Variants in ATF2 observed in about 807,000 individuals in gnomAD.
The protein encoded by ATF2 is activating transcription factor 2.
In ATF2, 24 loss-of-function variants were observed where a neutral mutation model predicts 60.6. The ratio of observed to expected loss-of-function variants is 0.40; its 90% CI spans 0.29 to 0.56. The LOEUF (loss-of-function observed/expected upper bound fraction) is 0.56, where lower values mean the gene tolerates loss of function less well. ATF2 is among the 20% of genes least tolerant of loss of function. The pLI, the probability that ATF2 is intolerant of heterozygous loss-of-function variation, is 0.54. For missense variants in ATF2, 433 were observed against 607.7 expected (o/e 0.71, Z 3.02); for synonymous variants, 206 against 215.4 (o/e 0.96, Z 0.38).
At chr2:175,138,445 T>C (rs1698281227) in intron 2 of ATF2, among the ~76,000 whole-genome samples, 2 of 152,172 alleles carry the variant, frequency 1.3e-5, no homozygotes, top group African/African-American at 4.8e-5. Flanking sequence ...ATACCATAAA[T>C]ACAAATCTGA....
chr2:175,139,791 A>C (rs1698382239), intron 2 of ATF2, among the ~76,000 whole-genome samples: 2 of 152,212 alleles, frequency 1.3e-5, no homozygotes, highest in African/African-American at 4.8e-5. Context: ...GGGTAACCTA[A>C]AGTTCAAATA....
chr2:175,098,459 A>C (rs1419109125), intron 10 of ATF2, among the ~76,000 whole-genome samples: 1 of 152,158 alleles, frequency 6.6e-6, no homozygotes, highest in African/African-American at 2.4e-5. Flanking sequence ...AGTCAGAGTT[A>C]TGTATATTAC....
intron 7 of ATF2, among the ~76,000 whole-genome samples, chr2:175,115,914 C>A (rs543213800): frequency 6.6e-6 from 1 of 152,104 alleles, no homozygotes; most frequent in East Asian, 1.9e-4. Context: ...AAACAGCATT[C>A]GAACTGATGA....
intron 5 of ATF2, among the ~76,000 whole-genome samples, chr2:175,118,825 C>T (rs1696759596): frequency 6.6e-6 from 1 of 150,784 alleles, no homozygotes; most frequent in African/African-American, 2.4e-5. Flanking sequence ...TGAAAGCAAA[C>T]TAAGATAAAA....
rs1694674566 is a variant in ATF2 at position 175,093,166 on chromosome 2, C to T, written c.1080G>A (p.Glu360=). The change falls in exon 12 of 14, where the codon GAG becomes GAA. Residue 360 remains glutamate, a synonymous_variant. Transcript: ENST00000264110. ...DPDEKRRKFL[E]RNRAAASRCR... ...ATCTTGAAGCTGCTGCTCTATTTCG[C>T]TCTAAAAACTTTCTCCTTTTTTCAT... 6.2e-7 allele frequency: 1 copy of T among 1,614,162 alleles called. No homozygotes were observed. Among genetic ancestry groups the T allele is most frequent in the Non-Finnish European group, 8.5e-7 (1 of 1,180,032 alleles).
chr2:175,120,715 C>T (rs2105714375), intron 5 of ATF2, among the ~76,000 whole-genome samples: 1 of 151,460 alleles, frequency 6.6e-6, no homozygotes, highest in African/African-American at 2.4e-5. Flanking sequence ...TTTGTTTTAT[C>T]ATAATACTTA....
Position 175,152,161 on chromosome 2 carries a change from T to A in ATF2, c.-142-1003A>T, listed in dbSNP as rs554945569. 4.6e-5 allele frequency among the ~76,000 whole-genome samples: 7 copies of A among 152,314 alleles called. No homozygotes were observed. The South Asian group carries it at 1.5e-3, about 32-fold the overall frequency. ...CTCATACTTATTTCATTCTAAAATG[T>A]AAGATGTCCAGATACCTCATGGAGA... is the stretch of plus-strand genomic sequence containing the variant. On this transcript the variant is annotated intron_variant, in intron 1 of 13. Transcript: ENST00000264110.
intron 1 of ATF2, among the ~76,000 whole-genome samples, chr2:175,166,693 T>C (rs950258826): frequency 1.3e-5 from 2 of 152,222 alleles, no homozygotes; most frequent in Admixed American, 6.5e-5. Context: ...CAAAGCTATA[T>C]GGCTATTTAA....
At chr2:175,139,274 A>T (rs948210848) in intron 2 of ATF2, among the ~76,000 whole-genome samples, 9 of 152,222 alleles carry the variant, frequency 5.9e-5, no homozygotes, top group African/African-American at 1.7e-4. Flanking sequence ...TTAAAAAATT[A>T]AAAAAACTGT....
chr2:175,103,418 T>C (rs1695434649), intron 10 of ATF2, among the ~76,000 whole-genome samples: 1 of 152,076 alleles, frequency 6.6e-6, no homozygotes, highest in African/African-American at 2.4e-5. Flanking sequence ...CCAGAGAACA[T>C]ATGAAAATCA....
At chr2:175,139,254 T>C (rs1698338937) in intron 2 of ATF2, among the ~76,000 whole-genome samples, 1 of 152,306 alleles carries the variant, frequency 6.6e-6, no homozygotes, top group Admixed American at 6.5e-5. Flanking sequence ...TTATATCAGT[T>C]GGATACATTT....
chr2:175,150,943 A>G (rs1699273376), intron 2 of ATF2, 117 bp downstream of exon 2: 1 of 152,520 alleles, frequency 6.6e-6, no homozygotes, highest in African/African-American at 2.4e-5. Context: ...TCAATACGGT[A>G]GGACTTCAGC....
At chr2:175,083,227 C>A (rs1404894490) in intron 12 of ATF2, among the ~76,000 whole-genome samples, 3 of 151,634 alleles carry the variant, frequency 2.0e-5, no homozygotes, top group African/African-American at 7.3e-5. Context: ...GGAGGCATCA[C>A]GCTACCTGAC....
At chr2:175,133,157 C>G (rs1697867491) in intron 3 of ATF2, among the ~76,000 whole-genome samples, 1 of 151,634 alleles carries the variant, frequency 6.6e-6, no homozygotes, top group African/African-American at 2.4e-5. Flanking sequence ...ACTGAAAAAT[C>G]TGTAACAAAA....
At position 175,118,082 on chromosome 2, in the gene ATF2, T is replaced by C; in HGVS notation, c.355A>G (p.Ile119Val). 1 of 1,611,932 alleles carries C rather than the reference T, an allele frequency of 6.2e-7. No homozygotes were observed. Among genetic ancestry groups the C allele is most frequent in the Non-Finnish European group, 8.5e-7 (1 of 1,178,574 alleles). Reference protein sequence around the residue: ...LDLSPLATPIIRSKIEEPSVV... With the variant: ...LDLSPLATPIVRSKIEEPSVV... Reference sequence around the variant, plus strand: ...GAAGGCTCCTCAATTTTGCTTCTTATGATAGGTGTTGCAAGAGGGGATAAA... The same window carrying C: ...GAAGGCTCCTCAATTTTGCTTCTTACGATAGGTGTTGCAAGAGGGGATAAA... The change falls in exon 7 of 14, where the codon ATA (isoleucine) becomes GTA (valine). Residue 119 changes from isoleucine (I) to valine (V), a missense_variant. This residue lies in a region of ATF2 where 246 missense variants were observed against 309.3 expected (regional missense o/e 0.80). Transcript: ENST00000264110.
At chr2:175,133,819 G>T (rs905760573) in intron 3 of ATF2, among the ~76,000 whole-genome samples, 5 of 152,150 alleles carry the variant, frequency 3.3e-5, no homozygotes, top group Non-Finnish European at 5.9e-5. Flanking sequence ...GTCCATAAAA[G>T]AAAAGATTGA....
intron 11 of ATF2, among the ~76,000 whole-genome samples, chr2:175,095,592 G>T (rs1162162004): frequency 1.3e-5 from 2 of 152,160 alleles, no homozygotes; most frequent in Non-Finnish European, 2.9e-5. Context: ...AGGCTTCTTA[G>T]AAGTGTATAC....
intron 1 of ATF2, among the ~76,000 whole-genome samples, chr2:175,163,136 A>AAAAT (rs576175911): frequency 7.4e-4 from 85 of 115,236 alleles, no homozygotes; most frequent in African/African-American, 7.4e-4. Flanking sequence ...TCTGTCTCAA[A>AAAAT]AAATAAATAA....
chr2:175,096,148 A>G (rs76256351), intron 11 of ATF2, among the ~76,000 whole-genome samples: 6,123 of 152,300 alleles, frequency 0.04, 399 homozygotes, highest in African/African-American at 0.14. Context: ...TTTAATGCCA[A>G]TGCTAATATT....
Sources: gnomAD v4.1 joint callset for allele counts (sites outside exome capture counted in the v4.1 genomes callset) on GRCh38, gnomAD v4.1.1 for gene constraint, gnomAD v4.1.1 regional missense constraint, MANE v1.5 for transcripts, NCBI Gene and HGNC (gene_info 2026-07-23, HGNC 2026-07-21) for gene names.